The following SLX4IP variants were observed in gnomAD, a reference collection of about 807,000 sequenced individuals.
SLX4IP encodes the protein protein SLX4IP.
A neutral mutation model predicts 32.9 loss-of-function variants in SLX4IP; 34 were observed. That is an observed-to-expected ratio of 1.03 (90% CI 0.79 to 1.38). SLX4IP has a LOEUF of 1.38. Among genes scored for constraint, SLX4IP ranks in the 40% most tolerant of loss-of-function variants. SLX4IP has a pLI of 0.00. For synonymous variants in SLX4IP, 172 were observed against 171.7 expected, an observed-to-expected ratio of 1.00 and a Z score of -0.01; for missense variants, 444 against 479.0, an observed-to-expected ratio of 0.93 and a Z score of 0.68.
chr20:10,479,733 T>C, intron 2 of SLX4IP, among the ~76,000 whole-genome samples: 1 of 150,354 alleles, frequency 6.7e-6, no homozygotes, highest in East Asian at 2.0e-4. Context: ...AGGCCGGGTG[T>C]GGTGGCTCAC....
At chr20:10,443,523 G>A (rs759061606) in intron 1 of SLX4IP, among the ~76,000 whole-genome samples, 2 of 152,124 alleles carry the variant, frequency 1.3e-5, no homozygotes, top group Non-Finnish European at 1.5e-5. Context: ...AACTCAACTC[G>A]CTTTAGGAGA....
At chr20:10,619,537 A>G (rs1266575425) in intron 6 of SLX4IP, among the ~76,000 whole-genome samples, 1 of 152,164 alleles carries the variant, frequency 6.6e-6, no homozygotes, top group Non-Finnish European at 1.5e-5. Flanking sequence ...TGCAGTATTC[A>G]TTGTTGTTAT....
chr20:10,598,654 A>AT (rs2066801997), intron 4 of SLX4IP, 21 bp from the exon 5 acceptor site: 5 of 1,611,372 alleles, frequency 3.1e-6, no homozygotes, highest in Middle Eastern at 3.3e-4. Context: ...TAACTTAGTG[A>AT]TGTTCCCTTT....
chr20:10,554,290 G>A lies in SLX4IP; in HGVS notation c.28-1941G>A, dbSNP rs182199925. On this transcript the variant is annotated intron_variant, in intron 2 of 7. Transcript: ENST00000334534. ...AATACATGTTGAGTCTATCGGTAGTGTGGTGAGTAGTGTTCCCTTGCATGA... is the reference window on the plus strand; with the variant it reads ...AATACATGTTGAGTCTATCGGTAGTATGGTGAGTAGTGTTCCCTTGCATGA... 1.4e-4 allele frequency among the ~76,000 whole-genome samples: 21 copies of A among 152,324 alleles called. No individual in the cohort carries two copies. In the East Asian group the frequency reaches 4.0e-3, roughly 29 times the overall value.
intron 2 of SLX4IP, among the ~76,000 whole-genome samples, chr20:10,497,276 AT>A (rs1269572179): frequency 6.6e-6 from 1 of 152,034 alleles, no homozygotes; most frequent in African/African-American, 2.4e-5. Flanking sequence ...GTCAACAGAT[AT>A]TTTCTGTGAA....
intron 6 of SLX4IP, chr20:10,614,074 C>G: frequency 6.5e-7 from 1 of 1,543,302 alleles, no homozygotes; most frequent in Non-Finnish European, 8.9e-7. Flanking sequence ...TTGTCGCCCT[C>G]GCCCACCCGG....
chr20:10,521,341 G>C (rs1027609428), intron 2 of SLX4IP, among the ~76,000 whole-genome samples: 2 of 151,984 alleles, frequency 1.3e-5, no homozygotes, highest in African/African-American at 4.8e-5. Flanking sequence ...TTCTAGGCTG[G>C]TCGCTCTCCA....
intron 4 of SLX4IP, among the ~76,000 whole-genome samples, chr20:10,563,918 T>C (rs1198403122): frequency 1.3e-5 from 2 of 152,234 alleles, no homozygotes; most frequent in Non-Finnish European, 2.9e-5. Flanking sequence ...AATTATAGTG[T>C]TACTTTCTTC....
At chr20:10,570,067 G>A (rs2066444452) in intron 4 of SLX4IP, among the ~76,000 whole-genome samples, 1 of 152,190 alleles carries the variant, frequency 6.6e-6, no homozygotes, top group African/African-American at 2.4e-5. Flanking sequence ...CAATTAACTG[G>A]TAAGCCAGAG....
At chr20:10,601,375 T>G (rs1338408470) in intron 5 of SLX4IP, among the ~76,000 whole-genome samples, 2 of 152,194 alleles carry the variant, frequency 1.3e-5, no homozygotes, top group African/African-American at 4.8e-5. Flanking sequence ...TCCTCTAAAG[T>G]GTTACATGCT....
intron 1 of SLX4IP, among the ~76,000 whole-genome samples, chr20:10,439,795 C>G (rs1408387047): frequency 6.6e-6 from 1 of 152,210 alleles, no homozygotes; most frequent in African/African-American, 2.4e-5. Flanking sequence ...AATTCATGCA[C>G]ATGAAGAAAC....
At chr20:10,570,186 C>T (rs900862078) in intron 4 of SLX4IP, among the ~76,000 whole-genome samples, 3 of 152,170 alleles carry the variant, frequency 2.0e-5, no homozygotes, top group Non-Finnish European at 2.9e-5. Context: ...AAATTGACTA[C>T]AAATTTCTAC....
chr20:10,443,429 G>A lies in SLX4IP; in HGVS notation c.-30+7976G>A, dbSNP rs6039938. On this transcript the variant is annotated intron_variant, in intron 1 of 7. Coordinates refer to ENST00000334534, the MANE Select transcript of SLX4IP (RefSeq NM_001009608.3). ...TAAGCGTGAGAGTAGAGGTGGTTCA[G>A]GTGTGTCCCAGAGAAGGAGCAATTC... 2.6e-5 allele frequency among the ~76,000 whole-genome samples: 4 copies of A among 152,146 alleles called. No homozygotes were observed. In the East Asian group the frequency reaches 5.8e-4, roughly 22 times the overall value.
Position 10,560,789 on chromosome 20 carries a change from A to G in SLX4IP, c.207A>G (p.Glu69=), listed in dbSNP as rs1236438477. 1.2e-6 allele frequency: 2 copies of G among 1,607,518 alleles called. No individual in the cohort carries two copies. The highest frequency in any genetic ancestry group is 2.7e-5 in the African/African-American group (2 of 74,640). The stretch of plus-strand genomic sequence containing the variant: ...AACAGCACAGGCCATCAAATGCAGA[A>G]TTCACAAGATCCAATCCCTTGTCCT... ...VRKQHRPSNA[E]FTRSNPLSLK... Residue 69 remains glutamate (E), a synonymous_variant, in exon 4 of 8, where the codon GAA becomes GAG. Coordinates refer to ENST00000334534, the MANE Select transcript of SLX4IP (RefSeq NM_001009608.3).
intron 1 of SLX4IP, among the ~76,000 whole-genome samples, chr20:10,440,252 T>A (rs1454195323): frequency 1.3e-5 from 2 of 152,002 alleles, no homozygotes; most frequent in Admixed American, 1.3e-4. Flanking sequence ...ATCAGGAGTT[T>A]GAGACCAGCC....
intron 2 of SLX4IP, among the ~76,000 whole-genome samples, chr20:10,474,350 C>T (rs1319386677): frequency 2.0e-5 from 3 of 152,102 alleles, no homozygotes; most frequent in African/African-American, 7.2e-5. Flanking sequence ...TTCTTCAGTC[C>T]AAAATAATAT....
chr20:10,518,510 C>CTT (rs1342160229), intron 2 of SLX4IP, among the ~76,000 whole-genome samples: 8 of 122,556 alleles, frequency 6.5e-5, no homozygotes, highest in Non-Finnish European at 1.3e-4. Flanking sequence ...TCCTTCCTTC[C>CTT]TTCCTTCCTT....
At position 10,535,242 on chromosome 20, in the gene SLX4IP, A is replaced by T. The variant is rs1600974099; in HGVS notation, c.28-20989A>T. ...TGGCTGCTGAGGAAGGGAAGTGTTGAGGTCTCAGAATTGGATAAGTCCTAG... is the reference window on the plus strand; with the variant it reads ...TGGCTGCTGAGGAAGGGAAGTGTTGTGGTCTCAGAATTGGATAAGTCCTAG... On this transcript the variant is annotated intron_variant, in intron 2 of 7. Coordinates refer to ENST00000334534, the MANE Select transcript of SLX4IP (RefSeq NM_001009608.3). Among the ~76,000 whole-genome samples the T allele has an allele frequency of 3.3e-5, 5 of 152,266 alleles. No homozygotes were observed. The South Asian group carries it at 1.0e-3, about 32-fold the overall frequency.
chr20:10,504,833 C>T (rs974332993), intron 2 of SLX4IP, among the ~76,000 whole-genome samples: 3 of 152,106 alleles, frequency 2.0e-5, no homozygotes, highest in Non-Finnish European at 4.4e-5. Flanking sequence ...GCTCCATACC[C>T]CCAAAGTGAA....
Sources: allele counts gnomAD v4.1 joint callset (sites outside exome capture counted in the v4.1 genomes callset), GRCh38; gene constraint gnomAD v4.1.1; transcripts MANE v1.5; gene names NCBI Gene and HGNC (gene_info 2026-07-23, HGNC 2026-07-21).